Variants in AK9 observed in about 807,000 individuals in gnomAD.
The protein encoded by AK9 is adenylate kinase 9.
A neutral mutation model predicts 239.6 loss-of-function variants in AK9; 191 were observed. The observed-to-expected ratio is 0.80, with a 90% CI of 0.71 to 0.90. The LOEUF is 0.90. AK9 is among the 40% of genes least tolerant of loss of function. The probability of loss-of-function intolerance (pLI) is 0.00; values close to 1 mark genes in which losing one functional copy is unlikely to be tolerated. For missense variants in AK9, 1,995 were observed against 2,214.7 expected, an observed-to-expected ratio of 0.90 and a Z score of 1.99; for synonymous variants, 689 against 721.0, an observed-to-expected ratio of 0.96 and a Z score of 0.71.
chr6:109,582,204 A>C (rs9320304), intron 19 of AK9, among the ~76,000 whole-genome samples: 89,776 of 152,094 alleles, frequency 0.59, 27,978 homozygotes, highest in South Asian at 0.84. Flanking sequence ...AACATCCATA[A>C]CGCAGCCCAT....
At chr6:109,617,677 A>G (rs1794336804) in intron 13 of AK9, among the ~76,000 whole-genome samples, 1 of 152,222 alleles carries the variant, frequency 6.6e-6, no homozygotes, top group Admixed American at 6.6e-5. Flanking sequence ...AGAAAGAAGT[A>G]TTATTTTAAA....
At chr6:109,654,233 G>A (rs1306517859) in intron 8 of AK9, among the ~76,000 whole-genome samples, 2 of 152,066 alleles carry the variant, frequency 1.3e-5, no homozygotes, top group African/African-American at 4.8e-5. Context: ...GATTCTAGGT[G>A]TTTTCCTCTA....
chr6:109,603,868 A>T lies in AK9; in HGVS notation c.1842+6497T>A, dbSNP rs566847848. Among the ~76,000 whole-genome samples, 350 of 152,298 alleles carry T rather than the reference A, an allele frequency of 2.3e-3. 3 individuals are homozygous for T. The highest frequency in any genetic ancestry group is 7.8e-3 in the African/African-American group (326 of 41,572). On this transcript the variant is annotated intron_variant, in intron 17 of 40. Coordinates refer to ENST00000424296, the MANE Select transcript of AK9 (RefSeq NM_001145128.3). ...GGCTCTCTGGGCGTGGGACCCTCCG[A>T]GCCAGGCGCAGGATATAATTTCCTG...
At chr6:109,528,547 GAA>G (rs375888543) in intron 29 of AK9, 9 of 456,886 alleles carry the variant, frequency 2.0e-5, no homozygotes, top group African/African-American at 1.0e-4. Flanking sequence ...TTTTGGTTGT[GAA>G]TATTTTGTTT....
At chr6:109,680,400 A>G (rs554664324) in intron 1 of AK9, among the ~76,000 whole-genome samples, 39 of 152,332 alleles carry the variant, frequency 2.6e-4, no homozygotes, top group African/African-American at 9.1e-4. Context: ...AGACAAGATT[A>G]GAGAAAAAAG....
At chr6:109,686,078 C>T (rs1021371359) in intron 1 of AK9, among the ~76,000 whole-genome samples, 3 of 152,124 alleles carry the variant, frequency 2.0e-5, no homozygotes, top group South Asian at 2.1e-4. Flanking sequence ...GAAAGAGGAT[C>T]GGAAGCAATT....
chr6:109,574,924 G>C (rs1000752532), intron 20 of AK9, among the ~76,000 whole-genome samples: 1 of 152,076 alleles, frequency 6.6e-6, no homozygotes, highest in African/African-American at 2.4e-5. Flanking sequence ...TGCCCTCATA[G>C]TTTAGCTCTC....
chr6:109,538,005 G>A (rs1782273427), intron 27 of AK9, among the ~76,000 whole-genome samples: 1 of 152,180 alleles, frequency 6.6e-6, no homozygotes, highest in African/African-American at 2.4e-5. Flanking sequence ...TACATTTGCT[G>A]AGGAGTTCTT....
intron 24 of AK9, among the ~76,000 whole-genome samples, chr6:109,553,847 A>C (rs1027423810): frequency 6.6e-6 from 1 of 152,158 alleles, no homozygotes; most frequent in African/African-American, 2.4e-5. Context: ...TTTGTCATAA[A>C]TACTCTTATT....
intron 21 of AK9, among the ~76,000 whole-genome samples, chr6:109,571,020 A>T (rs955650037): frequency 6.6e-6 from 1 of 152,224 alleles, no homozygotes; most frequent in African/African-American, 2.4e-5. Flanking sequence ...TTCTGAGAAG[A>T]AAAGGTTATG....
chr6:109,655,123 G>A (rs1345258234), intron 8 of AK9, among the ~76,000 whole-genome samples: 1 of 152,088 alleles, frequency 6.6e-6, no homozygotes, highest in East Asian at 1.9e-4. Context: ...TCTACTTCTG[G>A]GTGTTTTTGT....
intron 5 of AK9, among the ~76,000 whole-genome samples, chr6:109,669,431 T>C (rs1337800175): frequency 6.6e-6 from 1 of 152,022 alleles, no homozygotes; most frequent in African/African-American, 2.4e-5. Context: ...CTATGTTGAA[T>C]AGGAGTGGTG....
chr6:109,577,351 G>A (rs1788228914), intron 20 of AK9, among the ~76,000 whole-genome samples: 1 of 151,926 alleles, frequency 6.6e-6, no homozygotes, highest in South Asian at 2.1e-4. Context: ...ATTTGATCAT[G>A]GTGTATTATC....
At chr6:109,573,707 A>G in intron 20 of AK9, 113 bp from the exon 21 acceptor site, 1 of 1,003,024 alleles carries the variant, frequency 1.0e-6, no homozygotes, top group Non-Finnish European at 1.4e-6. Flanking sequence ...CTGCCCTCCT[A>G]GAGTATGTAG....
chr6:109,503,299 C>A (rs1053684378), intron 35 of AK9, among the ~76,000 whole-genome samples: 2 of 151,896 alleles, frequency 1.3e-5, no homozygotes, highest in African/African-American at 4.8e-5. Flanking sequence ...TGTACTGAAC[C>A]TCACCAATCC....
At chr6:109,515,564 C>G (rs1021481945) in intron 31 of AK9, among the ~76,000 whole-genome samples, 2 of 152,104 alleles carry the variant, frequency 1.3e-5, no homozygotes, top group Non-Finnish European at 2.9e-5. Flanking sequence ...GTAGTGTCAA[C>G]ATTATAATTC....
At chr6:109,508,049 C>G (rs914399454) in intron 33 of AK9, among the ~76,000 whole-genome samples, 1 of 152,228 alleles carries the variant, frequency 6.6e-6, no homozygotes, top group African/African-American at 2.4e-5. Flanking sequence ...CTCCATGAAT[C>G]TGCTGTGATT....
chr6:109,641,434 C>G, intron 10 of AK9, 84 bp downstream of exon 10: 1 of 1,068,126 alleles, frequency 9.4e-7, no homozygotes, highest in Non-Finnish European at 1.4e-6. Context: ...GTGATCCTCC[C>G]ATGGGATTAC....
chr6:109,610,661 A>G (rs1793467750), intron 16 of AK9, 148 bp from the exon 17 acceptor site: 1 of 913,264 alleles, frequency 1.1e-6, no homozygotes, highest in East Asian at 2.7e-5. Context: ...GAGAAATAAG[A>G]CTCTGGAGAG....
Sources: allele counts gnomAD v4.1 joint callset (sites outside exome capture counted in the v4.1 genomes callset), GRCh38; gene constraint gnomAD v4.1.1; transcripts MANE v1.5; gene names NCBI Gene and HGNC (gene_info 2026-07-23, HGNC 2026-07-21).